Variants in LRRC28 observed in about 807,000 individuals in gnomAD.
LRRC28 encodes leucine rich repeat containing 28, also known as leucine-rich repeat-containing protein 28.
A neutral mutation model predicts 45.7 loss-of-function variants in LRRC28; 39 were observed. The ratio of observed to expected loss-of-function variants is 0.85; its 90% CI spans 0.66 to 1.12. The LOEUF (loss-of-function observed/expected upper bound fraction) is 1.12, where lower values mean the gene tolerates loss of function less well. Ranked by LOEUF, LRRC28 falls within the 50% of genes most tolerant of loss-of-function variation. The pLI, the probability that LRRC28 is intolerant of heterozygous loss-of-function variation, is 0.00. For missense variants in LRRC28, 435 were observed against 438.5 expected (o/e 0.99, Z 0.07); for synonymous variants, 206 against 178.8 (o/e 1.15, Z -1.22).
At chr15:99,270,479 T>C (rs1428819466) in intron 2 of LRRC28, among the ~76,000 whole-genome samples, 1 of 150,980 alleles carries the variant, frequency 6.6e-6, no homozygotes, top group Admixed American at 6.6e-5. Context: ...CAATCTGTTT[T>C]CTCTCTGGGT....
Position 99,287,150 on chromosome 15 carries a change from T to C in LRRC28, c.210-107T>C, listed in dbSNP as rs981199814. 3 of 874,314 alleles carry C rather than the reference T, an allele frequency of 3.4e-6. No homozygotes were observed. The African/African-American group carries it at 5.3e-5, about 16-fold the overall frequency. 54.2% of individuals were successfully genotyped at this position (874,314 alleles called of 1,614,324 possible). ...ATGCATTAGAGTAGGGTGCAAAAGT[T>C]GTGGCCTATTTATATTTGATAAATT... On this transcript the variant is annotated intron_variant, in intron 3 of 9. Coordinates refer to ENST00000301981, the MANE Select transcript of LRRC28 (RefSeq NM_144598.5).
intron 5 of LRRC28, among the ~76,000 whole-genome samples, chr15:99,323,781 G>T (rs1252836995): frequency 6.6e-6 from 1 of 152,110 alleles, no homozygotes; most frequent in Non-Finnish European, 1.5e-5. Context: ...TATTGTTATT[G>T]AATTATATGG....
In LRRC28 at chr15:99,312,209, G is replaced by C. The variant is rs1418712648; in HGVS notation, c.386-21714G>C. Among the ~76,000 whole-genome samples, 4 of 152,184 alleles carry C rather than the reference G, an allele frequency of 2.6e-5. No homozygotes were observed. In the East Asian group the frequency reaches 7.7e-4, roughly 29 times the overall value. On this transcript the variant is annotated intron_variant, in intron 5 of 9. Coordinates refer to ENST00000301981, the MANE Select transcript of LRRC28 (RefSeq NM_144598.5). Reference sequence around the variant, plus strand: ...TACATAAACCTAGATATTATAGCTTGCTACACACTAAGCCATATTGTATAA... The same window carrying C: ...TACATAAACCTAGATATTATAGCTTCCTACACACTAAGCCATATTGTATAA...
intron 2 of LRRC28, among the ~76,000 whole-genome samples, chr15:99,263,817 A>G (rs2081263989): frequency 6.6e-6 from 1 of 152,190 alleles, no homozygotes; most frequent in South Asian, 2.1e-4. Context: ...CTGTGTACCC[A>G]TCACTCTTCA....
chr15:99,345,450 G>A (rs145103891), intron 6 of LRRC28, among the ~76,000 whole-genome samples: 263 of 152,210 alleles, frequency 1.7e-3, no homozygotes, highest in African/African-American at 6.1e-3. Flanking sequence ...TCATCTACCT[G>A]TTGGCCTTTC....
chr15:99,378,352 G>C (rs1490845147), intron 9 of LRRC28, among the ~76,000 whole-genome samples: 4 of 152,114 alleles, frequency 2.6e-5, no homozygotes, highest in Non-Finnish European at 5.9e-5. Context: ...TCTGCTATTG[G>C]TGTATAAGAA....
At chr15:99,285,467 C>T in intron 3 of LRRC28, 1 of 860,600 alleles carries the variant, frequency 1.2e-6, no homozygotes, top group Non-Finnish European at 2.0e-6. Context: ...GTGAGCGTTC[C>T]CCATTGCTCA....
At chr15:99,337,577 C>T (rs1305618894) in intron 6 of LRRC28, among the ~76,000 whole-genome samples, 1 of 152,230 alleles carries the variant, frequency 6.6e-6, no homozygotes, top group Non-Finnish European at 1.5e-5. Context: ...TCTTCTGTCT[C>T]TAGGTTTCTT....
chr15:99,319,774 C>T (rs1448964324), intron 5 of LRRC28, among the ~76,000 whole-genome samples: 2 of 151,650 alleles, frequency 1.3e-5, no homozygotes, highest in Non-Finnish European at 2.9e-5. Context: ...TTACGTTTCT[C>T]AGATGTCATA....
At chr15:99,262,850 G>C (rs1030815162) in intron 2 of LRRC28, among the ~76,000 whole-genome samples, 3 of 151,660 alleles carry the variant, frequency 2.0e-5, no homozygotes, top group Non-Finnish European at 4.4e-5. Context: ...GGGTCTTGCT[G>C]TGTTGCCCAG....
At chr15:99,337,932 G>A (rs1956380449) in intron 6 of LRRC28, 1 of 152,288 alleles carries the variant, frequency 6.6e-6, no homozygotes, top group African/African-American at 2.4e-5. Flanking sequence ...GCTACCTGAA[G>A]CAATGCTCTG....
chr15:99,353,409 G>T (rs770610280), intron 7 of LRRC28, among the ~76,000 whole-genome samples: 8 of 152,198 alleles, frequency 5.3e-5, no homozygotes, highest in Non-Finnish European at 1.2e-4. Context: ...AGTCCTAGGA[G>T]TAGTGGCCTT....
At chr15:99,340,146 G>A (rs1956459019) in intron 6 of LRRC28, among the ~76,000 whole-genome samples, 1 of 152,222 alleles carries the variant, frequency 6.6e-6, no homozygotes. Context: ...AGGGTATAAA[G>A]CTGGCCCTTT....
chr15:99,311,186 C>T (rs1955395618), intron 5 of LRRC28, among the ~76,000 whole-genome samples: 1 of 152,106 alleles, frequency 6.6e-6, no homozygotes, highest in South Asian at 2.1e-4. Context: ...ATGGAATAAA[C>T]TATGTGTTGT....
intron 9 of LRRC28, among the ~76,000 whole-genome samples, chr15:99,365,218 C>A (rs1431747307): frequency 6.6e-6 from 1 of 152,176 alleles, no homozygotes; most frequent in East Asian, 1.9e-4. Flanking sequence ...TGTTTAATTT[C>A]CCTGCTACAA....
chr15:99,339,228 C>A lies in LRRC28; in HGVS notation c.592+5099C>A, dbSNP rs371812653. ...TAATTAATAAGTCCAATTATCCAGG[C>A]GTGTTTACAACTTATTCAATGTTGA... is the stretch of plus-strand genomic sequence containing the variant. On this transcript the variant is annotated intron_variant, in intron 6 of 9. Coordinates refer to ENST00000301981, the MANE Select transcript of LRRC28 (RefSeq NM_144598.5). 1.4e-4 allele frequency among the ~76,000 whole-genome samples: 21 copies of A among 152,218 alleles called. 3 individuals are homozygous for A. Among genetic ancestry groups the A allele is most frequent in the African/African-American group, 4.8e-4 (20 of 41,534 alleles).
At chr15:99,270,866 T>G (rs1488398009) in intron 2 of LRRC28, among the ~76,000 whole-genome samples, 1 of 152,234 alleles carries the variant, frequency 6.6e-6, no homozygotes, top group Non-Finnish European at 1.5e-5. Flanking sequence ...TGAGCCATTT[T>G]ACATTACCGC....
chr15:99,255,007 A>C (rs949090706), intron 1 of LRRC28, among the ~76,000 whole-genome samples: 1 of 152,138 alleles, frequency 6.6e-6, no homozygotes, highest in Admixed American at 6.5e-5. Flanking sequence ...ATTTAAACTA[A>C]TGAGACTGTG....
chr15:99,301,430 T>C (rs544087310), intron 5 of LRRC28, among the ~76,000 whole-genome samples: 4 of 152,310 alleles, frequency 2.6e-5, no homozygotes, highest in South Asian at 2.1e-4. Flanking sequence ...GCTTATGATA[T>C]CCTGTGAAAT....
Sources: gnomAD v4.1 joint callset for allele counts (sites outside exome capture counted in the v4.1 genomes callset) on GRCh38, gnomAD v4.1.1 for gene constraint, MANE v1.5 for transcripts, NCBI Gene and HGNC (gene_info 2026-07-23, HGNC 2026-07-21) for gene names.